The following IFT43 variants were observed in gnomAD, a reference collection of about 807,000 sequenced individuals.
IFT43 encodes the protein intraflagellar transport 43.
IFT43 carries 33 observed loss-of-function variants against 32.3 expected under a neutral mutation model. The observed-to-expected ratio is 1.02, with a 90% CI of 0.77 to 1.37. The LOEUF (loss-of-function observed/expected upper bound fraction) is 1.37, where lower values mean the gene tolerates loss of function less well. Among genes scored for constraint, IFT43 ranks in the 40% most tolerant of loss-of-function variants. IFT43 has a pLI of 0.00. For synonymous variants in IFT43, 93 were observed against 98.2 expected, an observed-to-expected ratio of 0.95 and a Z score of 0.31; for missense variants, 274 against 265.9, an observed-to-expected ratio of 1.03 and a Z score of -0.21.
At chr14:76,080,759 G>C (rs965266376) in intron 5 of IFT43, among the ~76,000 whole-genome samples, 7 of 152,134 alleles carry the variant, frequency 4.6e-5, no homozygotes, top group Admixed American at 4.6e-4. Context: ...CACGTAGAAC[G>C]AGAGGGAAAA....
At chr14:76,013,895 C>T (rs2036132737) in intron 2 of IFT43, 1 of 230,918 alleles carries the variant, frequency 4.3e-6, no homozygotes, top group Non-Finnish European at 9.3e-6. Flanking sequence ...TAAAACAAAA[C>T]AAAGATTTAT....
intron 3 of IFT43, among the ~76,000 whole-genome samples, chr14:76,036,848 A>G (rs1054863303): frequency 1.3e-5 from 2 of 151,374 alleles, no homozygotes; most frequent in Admixed American, 1.3e-4. Flanking sequence ...CTTTTTTAGA[A>G]ACAGGATCTT....
At chr14:75,999,277 ATATATTT>A (rs1375101411) in intron 2 of IFT43, among the ~76,000 whole-genome samples, 5 of 18,702 alleles carry the variant, frequency 2.7e-4, no homozygotes, top group African/African-American at 7.4e-4. Context: ...ATATATGTAT[ATATATTT>A]TTTTTTTTTT....
chr14:76,015,459 A>G (rs1358593646), intron 2 of IFT43, among the ~76,000 whole-genome samples: 1 of 152,170 alleles, frequency 6.6e-6, no homozygotes, highest in Non-Finnish European at 1.5e-5. Context: ...GCAATTTTTT[A>G]CTTTTCTGAA....
At chr14:76,047,911 G>A (rs1339570922) in intron 3 of IFT43, among the ~76,000 whole-genome samples, 1 of 152,108 alleles carries the variant, frequency 6.6e-6, no homozygotes, top group Admixed American at 6.5e-5. Context: ...GGGAGGCAGG[G>A]TTGGTGATCA....
chr14:76,022,334 C>T lies in IFT43; in HGVS notation c.155C>T (p.Ser52Phe), dbSNP rs1317632210. 6.2e-7 allele frequency: 1 copy of T among 1,613,396 alleles called. No individual in the cohort carries two copies. The highest frequency in any genetic ancestry group is 1.7e-5 in the Admixed American group (1 of 60,010). The change falls in exon 3 of 9, where the codon TCT (serine) becomes TTT (phenylalanine). Residue 52 changes from serine to phenylalanine, a missense_variant. Coordinates refer to ENST00000314067, the MANE Select transcript of IFT43 (RefSeq NM_001102564.3). Reference protein sequence around the residue: ...SSLTLTGETSSAKLPRCRQGG... With the variant: ...SSLTLTGETSFAKLPRCRQGG... ...ACTTCTCTTTCCTTGTAGACTTCCT[C>T]TGCTAAATTACCTCGCTGCCGACAG...
At chr14:76,034,904 T>C (rs2036571427) in intron 3 of IFT43, among the ~76,000 whole-genome samples, 2 of 152,224 alleles carry the variant, frequency 1.3e-5, no homozygotes, top group South Asian at 2.1e-4. Flanking sequence ...AGGACACTTA[T>C]GGTGGGTCAC....
At chr14:76,039,759 C>G (rs1311902409) in intron 3 of IFT43, among the ~76,000 whole-genome samples, 2 of 152,066 alleles carry the variant, frequency 1.3e-5, no homozygotes, top group African/African-American at 4.8e-5. Context: ...TCTCAGGCAC[C>G]CAGTTTCCTC....
At chr14:75,986,312 A>C in intron 1 of IFT43, 1 of 1,243,240 alleles carries the variant, frequency 8.0e-7, no homozygotes, top group Non-Finnish European at 1.0e-6. Flanking sequence ...CTTCCCGGTA[A>C]TCCCCGTGGG....
intron 3 of IFT43, among the ~76,000 whole-genome samples, chr14:76,054,166 G>C (rs993144841): frequency 3.3e-5 from 5 of 152,204 alleles, no homozygotes; most frequent in African/African-American, 1.2e-4. Flanking sequence ...CTACCTCAGG[G>C]AGATTAGGAG....
chr14:76,001,305 A>T (rs2035880868), intron 2 of IFT43, among the ~76,000 whole-genome samples: 1 of 152,248 alleles, frequency 6.6e-6, no homozygotes, highest in Non-Finnish European at 1.5e-5. Context: ...AAAAAGTCAT[A>T]GCTGAGTTAC....
rs142238533 is a variant in IFT43, at chr14:76,030,531, G to A, written c.215+8137G>A. Among the ~76,000 whole-genome samples, 89 of 152,152 alleles carry A rather than the reference G, an allele frequency of 5.8e-4. 1 individual carries two copies. The highest frequency in any genetic ancestry group is 6.8e-3 in the Middle Eastern group (2 of 294). Reference sequence around the variant, plus strand: ...TCTTTGCTTCTAGGCTCTTTTAGTAGGTAGAACTAGGAAACACATTTTAAA... The same window carrying A: ...TCTTTGCTTCTAGGCTCTTTTAGTAAGTAGAACTAGGAAACACATTTTAAA... On this transcript the variant is annotated intron_variant, in intron 3 of 8. Transcript: ENST00000314067.
chr14:76,049,975 G>A (rs1369812076), intron 3 of IFT43, among the ~76,000 whole-genome samples: 2 of 152,084 alleles, frequency 1.3e-5, no homozygotes, highest in Admixed American at 1.3e-4. Flanking sequence ...CAGCCCTGAC[G>A]CCATTCTCAT....
chr14:75,995,953 T>C (rs1032874837), intron 2 of IFT43, among the ~76,000 whole-genome samples: 1 of 152,176 alleles, frequency 6.6e-6, no homozygotes, highest in Admixed American at 6.5e-5. Flanking sequence ...GGCCGGCCGC[T>C]GTGTGGGAGG....
At chr14:76,056,194 C>T (rs1380060954) in intron 3 of IFT43, among the ~76,000 whole-genome samples, 5 of 152,184 alleles carry the variant, frequency 3.3e-5, no homozygotes, top group Non-Finnish European at 5.9e-5. Context: ...AGAGGCAGGG[C>T]GCACCATCCC....
intron 3 of IFT43, among the ~76,000 whole-genome samples, chr14:76,050,667 G>A (rs1319540422): frequency 2.0e-5 from 3 of 152,098 alleles, no homozygotes; most frequent in Non-Finnish European, 4.4e-5. Context: ...GTTTATGGAG[G>A]TGTTAGTGTT....
chr14:76,063,864 T>C (rs1376824416), intron 5 of IFT43, among the ~76,000 whole-genome samples: 1 of 152,168 alleles, frequency 6.6e-6, no homozygotes, highest in Admixed American at 6.5e-5. Flanking sequence ...AAATGTATAA[T>C]CCCAGGCCAT....
intron 2 of IFT43, chr14:76,014,032 G>A (rs930890625): frequency 2.0e-5 from 5 of 244,062 alleles, no homozygotes; most frequent in East Asian, 1.9e-4. Flanking sequence ...CCCCCAGCCC[G>A]AGCACCCATT....
intron 2 of IFT43, among the ~76,000 whole-genome samples, chr14:75,996,086 C>T (rs537686390): frequency 1.6e-4 from 25 of 152,314 alleles, no homozygotes; most frequent in African/African-American, 6.0e-4. Flanking sequence ...TTCTTGCTGG[C>T]TTCTGTGAGA....
Sources: allele counts gnomAD v4.1 joint callset (sites outside exome capture counted in the v4.1 genomes callset), GRCh38; gene constraint gnomAD v4.1.1; transcripts MANE v1.5; gene names NCBI Gene and HGNC (gene_info 2026-07-23, HGNC 2026-07-21).